GPC6: variants seen among roughly 807,000 people sequenced by gnomAD.
GPC6 encodes the protein glypican-6.
GPC6 carries 14 observed loss-of-function variants against 55.2 expected under a neutral mutation model. The observed-to-expected ratio is 0.25, with a 90% CI of 0.17 to 0.40. The LOEUF (loss-of-function observed/expected upper bound fraction) is 0.40. Ranked by LOEUF, GPC6 falls within the 10% of genes least tolerant of loss-of-function variation. The pLI, the probability that GPC6 is intolerant of heterozygous loss-of-function variation, is 1.00. For synonymous variants in GPC6, 278 were observed against 259.6 expected, an observed-to-expected ratio of 1.07 and a Z score of -0.68; for missense variants, 641 against 708.5, an observed-to-expected ratio of 0.90 and a Z score of 1.08.
intron 4 of GPC6, among the ~76,000 whole-genome samples, chr13:94,034,008 C>CT (rs889456695): frequency 5.3e-5 from 8 of 152,078 alleles, no homozygotes; most frequent in Non-Finnish European, 1.2e-4. Context: ...CCAGGAAAGA[C>CT]TTTTTTAAAA....
At chr13:93,514,225 G>T (rs1469893658) in intron 1 of GPC6, among the ~76,000 whole-genome samples, 1 of 152,062 alleles carries the variant, frequency 6.6e-6, no homozygotes. Flanking sequence ...TGAGAAGTTG[G>T]TTGGCTGAAC....
At chr13:93,711,195 G>A (rs1453125487) in intron 2 of GPC6, among the ~76,000 whole-genome samples, 3 of 151,796 alleles carry the variant, frequency 2.0e-5, no homozygotes, top group African/African-American at 7.2e-5. Context: ...CTAACTAAAT[G>A]TTTTCAAGGT....
At chr13:94,065,722 T>G (rs1323158285) in intron 4 of GPC6, among the ~76,000 whole-genome samples, 2 of 152,322 alleles carry the variant, frequency 1.3e-5, no homozygotes, top group Middle Eastern at 3.4e-3. Flanking sequence ...GCCCCTAGCC[T>G]TGGGCAAATG....
At chr13:93,967,553 G>A (rs79269986) in intron 3 of GPC6, among the ~76,000 whole-genome samples, 2,257 of 152,178 alleles carry the variant, frequency 0.015, 29 homozygotes, top group Middle Eastern at 0.071. Flanking sequence ...AAATATTTGT[G>A]ATTCCTGGTG....
chr13:93,263,000 T>G (rs746496427), intron 1 of GPC6, among the ~76,000 whole-genome samples: 1 of 152,116 alleles, frequency 6.6e-6, no homozygotes, highest in Non-Finnish European at 1.5e-5. Context: ...GCTTTATGGG[T>G]TTTTTTAACA....
At chr13:93,616,985 C>A (rs1479799731) in intron 2 of GPC6, among the ~76,000 whole-genome samples, 5 of 152,050 alleles carry the variant, frequency 3.3e-5, no homozygotes, top group African/African-American at 1.2e-4. Flanking sequence ...AATGTTTTAA[C>A]CTCCTTTAAA....
At chr13:93,296,079 CAG>C (rs938583703) in intron 1 of GPC6, among the ~76,000 whole-genome samples, 9 of 152,098 alleles carry the variant, frequency 5.9e-5, no homozygotes, top group Non-Finnish European at 8.8e-5. Flanking sequence ...CCTCTTAAAA[CAG>C]GGGGATTTCA....
chr13:94,219,712 A>G (rs949701221), intron 4 of GPC6, among the ~76,000 whole-genome samples: 12 of 152,160 alleles, frequency 7.9e-5, no homozygotes, highest in Non-Finnish European at 1.2e-4. Context: ...GAGCAGACAC[A>G]AATCTGCCTC....
At chr13:94,211,659 G>C (rs1243598773) in intron 4 of GPC6, among the ~76,000 whole-genome samples, 2 of 152,182 alleles carry the variant, frequency 1.3e-5, no homozygotes, top group African/African-American at 2.4e-5. Flanking sequence ...AATTAAATGA[G>C]AGAAGGCTTA....
intron 1 of GPC6, among the ~76,000 whole-genome samples, chr13:93,291,946 A>C (rs1878332684): frequency 6.6e-6 from 1 of 152,206 alleles, no homozygotes; most frequent in South Asian, 2.1e-4. Context: ...GTTACATACA[A>C]AAATATAAAA....
At chr13:93,576,762 A>T (rs538021049) in intron 2 of GPC6, among the ~76,000 whole-genome samples, 16 of 152,258 alleles carry the variant, frequency 1.1e-4, no homozygotes, top group African/African-American at 3.8e-4. Flanking sequence ...ACAAATTCTG[A>T]TGAATATAAT....
At chr13:93,317,727 A>G (rs913000772) in intron 1 of GPC6, among the ~76,000 whole-genome samples, 1 of 152,152 alleles carries the variant, frequency 6.6e-6, no homozygotes, top group African/African-American at 2.4e-5. Flanking sequence ...TGGTTTTGTT[A>G]AAACTACCAG....
At chr13:93,775,542 A>G (rs534358180) in intron 2 of GPC6, among the ~76,000 whole-genome samples, 15 of 152,344 alleles carry the variant, frequency 9.8e-5, no homozygotes, top group Non-Finnish European at 2.2e-4. Context: ...GTGAAGCTAC[A>G]AAAGAGATGA....
At chr13:93,918,773 C>G (rs777554142) in intron 3 of GPC6, among the ~76,000 whole-genome samples, 17 of 152,160 alleles carry the variant, frequency 1.1e-4, no homozygotes, top group Non-Finnish European at 2.2e-4. Flanking sequence ...GCAGATGTTC[C>G]CACCACACAT....
chr13:93,756,712 C>A (rs1044493236), intron 2 of GPC6, among the ~76,000 whole-genome samples: 1 of 152,040 alleles, frequency 6.6e-6, no homozygotes, highest in African/African-American at 2.4e-5. Context: ...AGAGATGAAG[C>A]CCTAAGAAAT....
intron 1 of GPC6, among the ~76,000 whole-genome samples, chr13:93,403,857 A>C (rs1440751192): frequency 2.0e-5 from 3 of 152,176 alleles, no homozygotes; most frequent in Non-Finnish European, 4.4e-5. Flanking sequence ...TTGTGGTTGA[A>C]AATAAATATA....
At position 93,271,051 on chromosome 13, in the gene GPC6, G is replaced by A. The variant is rs1285068925; in HGVS notation, c.160+43435G>A. On this transcript the variant is annotated intron_variant, in intron 1 of 8. Coordinates refer to ENST00000377047, the MANE Select transcript of GPC6 (RefSeq NM_005708.5). ...TTCTGGGCAAAAAGCAGAAGAGAAA[G>A]CAAATTCATTCAAGGGGCAGGGAGT... 7.2e-5 allele frequency among the ~76,000 whole-genome samples: 11 copies of A among 152,286 alleles called. No homozygotes were observed. The East Asian group carries it at 1.7e-3, about 24-fold the overall frequency.
At chr13:93,832,552 A>T (rs1887561058) in intron 3 of GPC6, among the ~76,000 whole-genome samples, 1 of 152,124 alleles carries the variant, frequency 6.6e-6, no homozygotes, top group Non-Finnish European at 1.5e-5. Context: ...GTGTATTATG[A>T]TCTGGCAAGT....
At chr13:93,553,383 C>T (rs557784109) in intron 2 of GPC6, among the ~76,000 whole-genome samples, 7 of 151,942 alleles carry the variant, frequency 4.6e-5, no homozygotes, top group Non-Finnish European at 8.8e-5. Flanking sequence ...TGGAATACTG[C>T]GATGGGCAGG....
Sources: allele counts gnomAD v4.1 joint callset (sites outside exome capture counted in the v4.1 genomes callset), GRCh38; gene constraint gnomAD v4.1.1; transcripts MANE v1.5; gene names NCBI Gene and HGNC (gene_info 2026-07-23, HGNC 2026-07-21).